The following DLG2 variants were observed in gnomAD, a reference collection of about 807,000 sequenced individuals.
DLG2 encodes discs large MAGUK scaffold protein 2.
DLG2 carries 45 observed loss-of-function variants against 132.5 expected under a neutral mutation model. The ratio of observed to expected loss-of-function variants is 0.34; its 90% CI spans 0.27 to 0.44. DLG2 has a LOEUF of 0.44. Among genes scored for constraint, DLG2 ranks in the 20% least tolerant of loss-of-function variants. DLG2 has a pLI of 1.00. For missense variants in DLG2, 1,045 were observed against 1,196.9 expected (o/e 0.87, Z 1.87); for synonymous variants, 424 against 419.6 (o/e 1.01, Z -0.13).
intron 7 of DLG2, among the ~76,000 whole-genome samples, chr11:84,457,437 G>C (rs916052661): frequency 6.6e-6 from 1 of 151,146 alleles, no homozygotes; most frequent in African/African-American, 2.4e-5. Context: ...AGAATTCATA[G>C]AGGGAGAAAT....
chr11:85,492,398 A>T (rs563936236), intron 3 of DLG2, among the ~76,000 whole-genome samples: 27 of 152,262 alleles, frequency 1.8e-4, no homozygotes, highest in African/African-American at 5.8e-4. Flanking sequence ...AAAACAAACC[A>T]CTAATATAGA....
At chr11:84,979,605 A>G (rs2055431713) in intron 6 of DLG2, among the ~76,000 whole-genome samples, 1 of 151,512 alleles carries the variant, frequency 6.6e-6, no homozygotes, top group South Asian at 2.1e-4. Context: ...GAACTGAACA[A>G]TGAGAACACT....
chr11:83,995,941 A>T (rs1239881545), intron 11 of DLG2, among the ~76,000 whole-genome samples: 1 of 152,204 alleles, frequency 6.6e-6, no homozygotes, highest in Non-Finnish European at 1.5e-5. Flanking sequence ...AATACCCCAC[A>T]GGCAAATACA....
chr11:84,802,365 CCAGCAGCAGCAG>C (rs371131136), intron 6 of DLG2, among the ~76,000 whole-genome samples: 1,584 of 150,122 alleles, frequency 0.011, 23 homozygotes, highest in Non-Finnish European at 0.014. Context: ...ACTCCGGAAC[CCAGCAGCAGCAG>C]CAGCAGCAGC....
chr11:85,512,753 T>C (rs2094103197), intron 3 of DLG2, among the ~76,000 whole-genome samples: 1 of 152,132 alleles, frequency 6.6e-6, no homozygotes, highest in South Asian at 2.1e-4. Context: ...GGAATGTAAA[T>C]TAGTTTAGTC....
intron 6 of DLG2, among the ~76,000 whole-genome samples, chr11:84,629,525 G>GAT (rs1186557355): frequency 6.6e-6 from 1 of 152,192 alleles, no homozygotes; most frequent in African/African-American, 2.4e-5. Context: ...CGGCAGAAAT[G>GAT]CCTAGGAAAT....
At chr11:83,491,263 A>C (rs1301167332) in intron 21 of DLG2, among the ~76,000 whole-genome samples, 2 of 151,956 alleles carry the variant, frequency 1.3e-5, no homozygotes, top group African/African-American at 2.4e-5. Flanking sequence ...CAGATCAGAA[A>C]AGTAGGGAAA....
chr11:85,343,577 G>C (rs1312499505), intron 3 of DLG2, among the ~76,000 whole-genome samples: 5 of 151,724 alleles, frequency 3.3e-5, no homozygotes, highest in Admixed American at 3.3e-4. Flanking sequence ...ATTTTTTTCA[G>C]CTTATTATGA....
At chr11:85,266,278 G>C (rs1347725551) in intron 4 of DLG2, among the ~76,000 whole-genome samples, 3 of 152,242 alleles carry the variant, frequency 2.0e-5, no homozygotes, top group Admixed American at 6.5e-5. Context: ...ATGTGCGGTG[G>C]ATCATGGTGG....
chr11:84,112,891 T>A (rs2093437350), intron 9 of DLG2, among the ~76,000 whole-genome samples: 1 of 152,202 alleles, frequency 6.6e-6, no homozygotes, highest in Admixed American at 6.5e-5. Flanking sequence ...CCTGAACAAT[T>A]CTCTTAAGTT....
chr11:84,223,243 A>T (rs945084701), intron 8 of DLG2, among the ~76,000 whole-genome samples: 6 of 152,182 alleles, frequency 3.9e-5, no homozygotes, highest in African/African-American at 1.4e-4. Flanking sequence ...GAGTAGTCAG[A>T]CCAAGTAGCA....
chr11:85,020,888 G>A, intron 6 of DLG2: 3 of 766,932 alleles, frequency 3.9e-6, no homozygotes, highest in Non-Finnish European at 7.3e-6. Context: ...CCTCAGCAGA[G>A]TCATGTGCAT....
chr11:85,567,672 T>A (rs1464429155), intron 3 of DLG2, among the ~76,000 whole-genome samples: 2 of 152,096 alleles, frequency 1.3e-5, no homozygotes, highest in Admixed American at 1.3e-4. Context: ...TTAATAGGAG[T>A]GGCAAGAGCA....
At chr11:84,807,530 A>C (rs1001014412) in intron 6 of DLG2, among the ~76,000 whole-genome samples, 2 of 152,206 alleles carry the variant, frequency 1.3e-5, no homozygotes, top group Non-Finnish European at 2.9e-5. Flanking sequence ...TTAAATGTAA[A>C]TGATCTAACT....
intron 11 of DLG2, among the ~76,000 whole-genome samples, chr11:84,047,768 C>G (rs1053061590): frequency 4.0e-5 from 6 of 151,478 alleles, no homozygotes; most frequent in African/African-American, 1.5e-4. Flanking sequence ...TGAAAAGAAA[C>G]AGTGGTCATG....
At chr11:85,165,900 T>TC (rs1472945922) in intron 4 of DLG2, among the ~76,000 whole-genome samples, 1 of 152,090 alleles carries the variant, frequency 6.6e-6, no homozygotes, top group African/African-American at 2.4e-5. Flanking sequence ...AACCTCCTAG[T>TC]CCTCACTGTC....
At chr11:84,665,468 T>G (rs995300140) in intron 6 of DLG2, among the ~76,000 whole-genome samples, 1 of 152,096 alleles carries the variant, frequency 6.6e-6, no homozygotes, top group Non-Finnish European at 1.5e-5. Context: ...TATTCATATA[T>G]TCAAATCTCT....
chr11:84,102,343 T>C (rs761661712), intron 9 of DLG2, among the ~76,000 whole-genome samples: 21 of 152,062 alleles, frequency 1.4e-4, no homozygotes, highest in Non-Finnish European at 2.5e-4. Flanking sequence ...GTATTGACAA[T>C]AAATACTTGA....
intron 8 of DLG2, among the ~76,000 whole-genome samples, chr11:84,176,027 C>T (rs1267509894): frequency 1.3e-5 from 2 of 151,970 alleles, no homozygotes. Context: ...TATTAATTTT[C>T]ATACTATTTT....
Sources: allele counts gnomAD v4.1 joint callset (sites outside exome capture counted in the v4.1 genomes callset), GRCh38; gene constraint gnomAD v4.1.1; transcripts MANE v1.5; gene names NCBI Gene and HGNC (gene_info 2026-07-23, HGNC 2026-07-21).